CACNA2D3: variants seen among roughly 807,000 people sequenced by gnomAD.
The protein encoded by CACNA2D3 is calcium voltage-gated channel auxiliary subunit alpha2delta 3.
Under a neutral mutation model 160.6 loss-of-function variants are expected in CACNA2D3, and 60 were observed. The observed-to-expected ratio is 0.37, with a 90% CI of 0.30 to 0.46. CACNA2D3 has a LOEUF of 0.46. Among genes scored for constraint, CACNA2D3 ranks in the 20% least tolerant of loss-of-function variants. CACNA2D3 has a pLI of 1.00. For missense variants in CACNA2D3, 1,205 were observed against 1,365.0 expected (o/e 0.88, Z 1.85); for synonymous variants, 558 against 492.9 (o/e 1.13, Z -1.75).
At chr3:54,349,411 A>G (rs1474961669) in intron 3 of CACNA2D3, among the ~76,000 whole-genome samples, 1 of 152,160 alleles carries the variant, frequency 6.6e-6, no homozygotes, top group Non-Finnish European at 1.5e-5. Flanking sequence ...AGGAATTCCA[A>G]AGCAAAGACT....
chr3:54,706,997 G>C (rs1700867465), intron 11 of CACNA2D3, among the ~76,000 whole-genome samples: 1 of 152,196 alleles, frequency 6.6e-6, no homozygotes. Context: ...TTCATGCTCT[G>C]CTGCACTTCT....
chr3:54,223,815 G>A (rs1428454139), intron 2 of CACNA2D3, among the ~76,000 whole-genome samples: 2 of 144,376 alleles, frequency 1.4e-5, no homozygotes, highest in African/African-American at 5.2e-5. Flanking sequence ...TCGCACCATT[G>A]CACTCCAGCC....
intron 13 of CACNA2D3, among the ~76,000 whole-genome samples, chr3:54,805,303 A>G (rs930360593): frequency 7.2e-5 from 11 of 152,206 alleles, no homozygotes; most frequent in African/African-American, 2.7e-4. Context: ...ATAGACCACT[A>G]GCAAGACTAA....
Position 55,018,180 on chromosome 3 carries a change from CT to C in CACNA2D3, c.2876-17del, listed in dbSNP as rs200730819. ...TGAGCCTGTGCCTTGCATTCTTTAC[CT>C]TTTTTTTTCCCACTATCCCTACAGC... On this transcript the variant is annotated intron_variant, in intron 34 of 37. Transcript: ENST00000474759. 1,058 of 1,453,756 alleles carry C rather than the reference CT, an allele frequency of 7.3e-4. 6 individuals carry two copies. The East Asian group carries it at 0.018, about 24-fold the overall frequency. 90.1% of individuals were successfully genotyped at this position (1,453,756 alleles called of 1,614,324 possible). A position where few individuals can be genotyped will look rare whatever the true frequency, so the allele number is the denominator to read the frequency against.
At chr3:54,898,769 T>C (rs899460387) in intron 26 of CACNA2D3, among the ~76,000 whole-genome samples, 1 of 152,218 alleles carries the variant, frequency 6.6e-6, no homozygotes, top group South Asian at 2.1e-4. Flanking sequence ...AAACTTTCAA[T>C]GTAATGGTAT....
chr3:54,627,844 G>A lies in CACNA2D3; in HGVS notation c.1021G>A (p.Ala341Thr), dbSNP rs1699156621. Residue 341 changes from alanine (A) to threonine (T), a missense_variant, in exon 10 of 38, where the codon GCT (alanine) becomes ACT (threonine). By Grantham distance (58) the Ala-to-Thr change is moderately conservative. This residue lies in a region of CACNA2D3 where 911 missense variants were observed against 1,002.2 expected (regional missense o/e 0.91). Coordinates refer to ENST00000474759, the MANE Select transcript of CACNA2D3 (RefSeq NM_018398.3). ...FAKGIGMLDI[A>T]LNEAFNILSD... The stretch of plus-strand genomic sequence containing the variant: ...CAAAGGAATTGGAATGTTGGATATA[G>A]CTCTGAATGAGGCCTTCAACATTCT... 1 of 1,609,100 alleles carries A rather than the reference G, an allele frequency of 6.2e-7. No homozygotes were observed. Among genetic ancestry groups the A allele is most frequent in the East Asian group, 2.2e-5 (1 of 44,842 alleles).
intron 27 of CACNA2D3, chr3:54,925,117 A>C (rs1439357408): frequency 1.2e-6 from 2 of 1,614,170 alleles, no homozygotes; most frequent in South Asian, 2.2e-5. Context: ...TGCTGGCTGC[A>C]GTCTACAAAA....
chr3:54,659,656 A>G (rs978632621), intron 11 of CACNA2D3, among the ~76,000 whole-genome samples: 3 of 152,216 alleles, frequency 2.0e-5, no homozygotes, highest in African/African-American at 7.2e-5. Context: ...AACTTTCAGG[A>G]AAACTGCCAC....
intron 2 of CACNA2D3, among the ~76,000 whole-genome samples, chr3:54,244,188 T>C (rs185238905): frequency 1.2e-3 from 184 of 152,302 alleles, no homozygotes; most frequent in African/African-American, 4.1e-3. Context: ...TCCCACTTTC[T>C]TTTGGTAGAA....
At chr3:55,072,451 T>C (rs1704832519) in intron 35 of CACNA2D3, among the ~76,000 whole-genome samples, 1 of 152,222 alleles carries the variant, frequency 6.6e-6, no homozygotes. Flanking sequence ...TGCATGATTT[T>C]AGTTCACCAT....
intron 34 of CACNA2D3, among the ~76,000 whole-genome samples, chr3:55,015,737 T>C (rs1334869513): frequency 6.6e-6 from 1 of 152,248 alleles, no homozygotes; most frequent in African/African-American, 2.4e-5. Context: ...ATGAGCTTTG[T>C]GTCTGGCCTC....
intron 9 of CACNA2D3, among the ~76,000 whole-genome samples, chr3:54,606,120 T>C (rs891300626): frequency 6.6e-6 from 1 of 151,206 alleles, no homozygotes; most frequent in African/African-American, 2.4e-5. Context: ...AGGTACTATT[T>C]TCACTTGACT....
chr3:54,928,825 A>G (rs1009983403), intron 27 of CACNA2D3, among the ~76,000 whole-genome samples: 5 of 151,754 alleles, frequency 3.3e-5, no homozygotes, highest in Non-Finnish European at 7.4e-5. Flanking sequence ...CACTTTTCAC[A>G]TATAAAACAA....
chr3:54,164,875 T>A (rs1700420805), intron 2 of CACNA2D3, among the ~76,000 whole-genome samples: 1 of 152,216 alleles, frequency 6.6e-6, no homozygotes, highest in South Asian at 2.1e-4. Flanking sequence ...CCTTTCGTGA[T>A]TCAGATTCCT....
At chr3:54,345,982 A>G (rs903195185) in intron 3 of CACNA2D3, among the ~76,000 whole-genome samples, 1 of 152,058 alleles carries the variant, frequency 6.6e-6, no homozygotes, top group Non-Finnish European at 1.5e-5. Context: ...GATTTATAGG[A>G]TGCTGCCCCT....
At chr3:54,174,504 T>A (rs1170337465) in intron 2 of CACNA2D3, among the ~76,000 whole-genome samples, 1 of 152,158 alleles carries the variant, frequency 6.6e-6, no homozygotes, top group African/African-American at 2.4e-5. Flanking sequence ...TGGGGGTTAT[T>A]ACAAAAGTAG....
intron 5 of CACNA2D3, among the ~76,000 whole-genome samples, chr3:54,521,323 C>G (rs987992776): frequency 6.6e-6 from 1 of 152,090 alleles, no homozygotes; most frequent in Non-Finnish European, 1.5e-5. Context: ...TTTTTATGTG[C>G]TTATTGACCA....
chr3:54,883,823 C>CTCTCTCTCTCTCTCTCTCTCTT (rs60132112), intron 21 of CACNA2D3, among the ~76,000 whole-genome samples: 1 of 88,972 alleles, frequency 1.1e-5, no homozygotes. Context: ...CTCTCTCTCT[C>CTCTCTCTCTCTCTCTCTCTCTT]CTCTCTCTCC....
At chr3:54,591,567 G>GTT (rs397755008) in intron 9 of CACNA2D3, among the ~76,000 whole-genome samples, 45,315 of 121,110 alleles carry the variant, frequency 0.37, 8,543 homozygotes, top group Admixed American at 0.43. Flanking sequence ...GTTGAAAAAA[G>GTT]TTTTTTTTTT....
Sources: allele counts gnomAD v4.1 joint callset (sites outside exome capture counted in the v4.1 genomes callset), GRCh38; gene constraint gnomAD v4.1.1; regional missense constraint gnomAD v4.1.1; transcripts MANE v1.5; gene names NCBI Gene and HGNC (gene_info 2026-07-23, HGNC 2026-07-21).